BRD9: variants seen among roughly 807,000 people sequenced by gnomAD.
The protein encoded by BRD9 is bromodomain containing 9.
BRD9 carries 47 observed loss-of-function variants against 68.7 expected under a neutral mutation model. That is an observed-to-expected ratio of 0.68 (90% CI 0.54 to 0.87). The LOEUF (loss-of-function observed/expected upper bound fraction) is 0.87. Ranked by LOEUF, BRD9 falls within the 40% of genes least tolerant of loss-of-function variation. BRD9 has a pLI of 0.00. For missense variants in BRD9, 670 were observed against 748.4 expected, an observed-to-expected ratio of 0.90 and a Z score of 1.22; for synonymous variants, 313 against 293.9, an observed-to-expected ratio of 1.06 and a Z score of -0.67.
At chr5:865,667 A>G in intron 14 of BRD9, 86 bp from the exon 15 acceptor site, 1 of 1,396,524 alleles carries the variant, frequency 7.2e-7, no homozygotes, top group Non-Finnish European at 9.7e-7. Flanking sequence ...CCATCCAGAC[A>G]GGCCTCTCTG....
At chr5:875,525 T>A (rs1016482217) in intron 12 of BRD9, among the ~76,000 whole-genome samples, 1 of 152,058 alleles carries the variant, frequency 6.6e-6, no homozygotes, top group African/African-American at 2.4e-5. Flanking sequence ...TTTTTTCTAT[T>A]TTTTAGTAGA....
At chr5:870,677 G>A (rs991786865) in intron 13 of BRD9, 102 bp from the exon 14 acceptor site, 17 of 803,388 alleles carry the variant, frequency 2.1e-5, no homozygotes, top group Admixed American at 1.3e-4. Flanking sequence ...TTTGCTAAAC[G>A]TGAACCCACC....
intron 13 of BRD9, 24 bp downstream of exon 13, chr5:871,502 G>T (rs1360426205): frequency 1.2e-6 from 2 of 1,610,920 alleles, no homozygotes; most frequent in Admixed American, 3.3e-5. Flanking sequence ...TATTTGGCTT[G>T]CCCTTCCATG....
chr5:870,678 T>C lies in BRD9; in HGVS notation c.1423-103A>G, dbSNP rs1274624041. On this transcript the variant is annotated intron_variant, in intron 13 of 15. Transcript: ENST00000467963. ...AATCACTCTAATTATTTGCTAAACGTGAACCCACCCCTCAGTAAGTGACAA... is the reference window on the plus strand; with the variant it reads ...AATCACTCTAATTATTTGCTAAACGCGAACCCACCCCTCAGTAAGTGACAA... 1.0e-5 allele frequency: 8 copies of C among 794,410 alleles called. No individual in the cohort carries two copies. The African/African-American group carries it at 1.2e-4, about 12-fold the overall frequency. The allele number at this position is 794,410 out of a possible 1,614,324, so 49.2% of individuals were successfully genotyped here. A position where few individuals can be genotyped will look rare whatever the true frequency, so the allele number is the denominator to read the frequency against.
intron 4 of BRD9, 129 bp downstream of exon 4, chr5:889,458 C>A: frequency 9.7e-7 from 1 of 1,029,028 alleles, no homozygotes; most frequent in African/African-American, 1.6e-5. Context: ...CCGAAGTGGA[C>A]TGGGAGTCAC....
At chr5:889,713 G>C (rs370826338) in intron 3 of BRD9, 66 bp from the exon 4 acceptor site, 12 of 1,593,308 alleles carry the variant, frequency 7.5e-6, no homozygotes, top group Non-Finnish European at 1.0e-5. Context: ...AGAGCTCCAA[G>C]TTCACAGTAT....
At chr5:877,406 G>A (rs1284235363) in intron 11 of BRD9, among the ~76,000 whole-genome samples, 1 of 152,196 alleles carries the variant, frequency 6.6e-6, no homozygotes, top group African/African-American at 2.4e-5. Context: ...ACAAAAATCA[G>A]GGTCAGGTTT....
intron 14 of BRD9, chr5:865,794 G>A (rs113742899): frequency 7.1e-5 from 38 of 537,226 alleles, no homozygotes; most frequent in Admixed American, 3.1e-4. Flanking sequence ...GACACCCAGC[G>A]TCCTTTGCTC....
At chr5:891,322 G>A (rs956931052) in intron 2 of BRD9, 35 bp from the exon 3 acceptor site, 29 of 1,545,892 alleles carry the variant, frequency 1.9e-5, no homozygotes, top group Non-Finnish European at 2.4e-5. Context: ...AGAAAGGCAG[G>A]AGTAGGCGGG....
At position 888,765 on chromosome 5, in the gene BRD9, G is replaced by A. The variant is rs374558772; in HGVS notation, c.606+256C>T. 7.7e-4 allele frequency among the ~76,000 whole-genome samples: 118 copies of A among 152,284 alleles called. 1 individual carries two copies. The highest frequency in any genetic ancestry group is 2.7e-3 in the African/African-American group (112 of 41,552). On this transcript the variant is annotated intron_variant, in intron 5 of 15. Coordinates refer to ENST00000467963, the MANE Select transcript of BRD9 (RefSeq NM_023924.5). ...GCTTGAAACAACATGTCCTATTTACGCCAGCGCAGTAACTTAGAAAGAAAA... is the reference window on the plus strand; with the variant it reads ...GCTTGAAACAACATGTCCTATTTACACCAGCGCAGTAACTTAGAAAGAAAA...
intron 1 of BRD9, 93 bp from the exon 2 acceptor site, chr5:891,947 C>A: frequency 6.7e-7 from 1 of 1,503,168 alleles, no homozygotes; most frequent in Non-Finnish European, 8.8e-7. Flanking sequence ...GGAAAGGCCT[C>A]CCTAAGGAGT....
chr5:881,406 A>C, intron 8 of BRD9: 1 of 589,056 alleles, frequency 1.7e-6, no homozygotes, highest in South Asian at 2.0e-5. Flanking sequence ...TGGCCCTGCT[A>C]TAGGGGGTAC....
intron 13 of BRD9, among the ~76,000 whole-genome samples, chr5:870,868 T>C (rs1750034395): frequency 6.6e-6 from 1 of 152,236 alleles, no homozygotes; most frequent in African/African-American, 2.4e-5. Context: ...AGGGACATTA[T>C]GCAACAGGAA....
At chr5:891,063 C>G in intron 3 of BRD9, 92 bp downstream of exon 3, 1 of 1,426,840 alleles carries the variant, frequency 7.0e-7, no homozygotes, top group Non-Finnish European at 9.3e-7. Flanking sequence ...CCCTCCCATG[C>G]TTCTCCCCAA....
At chr5:868,117 G>T (rs541393613) in intron 14 of BRD9, among the ~76,000 whole-genome samples, 86 of 152,288 alleles carry the variant, frequency 5.6e-4, no homozygotes, top group African/African-American at 2.1e-3. Flanking sequence ...AGATCTGGTT[G>T]TTTCAAAGCA....
intron 7 of BRD9, among the ~76,000 whole-genome samples, chr5:885,003 C>T (rs887507933): frequency 6.6e-6 from 1 of 152,252 alleles, no homozygotes; most frequent in Non-Finnish European, 1.5e-5. Flanking sequence ...ACCAGAGACA[C>T]CCAAAACCAA....
intron 4 of BRD9, 141 bp downstream of exon 4, chr5:889,445 AC>A (rs1753026083): frequency 2.3e-5 from 21 of 929,872 alleles, no homozygotes; most frequent in Non-Finnish European, 3.4e-5. Context: ...CTTCCTACGC[AC>A]CCCGAAGTGG....
In BRD9 at chr5:864,613, G is replaced by A. The variant is rs529868667; in HGVS notation, c.1694-45C>T. The A allele has an allele frequency of 8.0e-5, 123 of 1,544,740 alleles. No individual in the cohort carries two copies. The South Asian group carries it at 1.1e-3, about 13-fold the overall frequency. On this transcript the variant is annotated intron_variant, in intron 15 of 15. Coordinates refer to ENST00000467963, the MANE Select transcript of BRD9 (RefSeq NM_023924.5). The stretch of plus-strand genomic sequence containing the variant: ...GGACTTCAACACACAGGACAGACCC[G>A]CAGCACACGTGGGGCTCCTGGAGCC...
chr5:889,766 A>G (rs749725984), intron 3 of BRD9, 119 bp from the exon 4 acceptor site: 1 of 1,531,582 alleles, frequency 6.5e-7, no homozygotes, highest in Non-Finnish European at 8.8e-7. Context: ...TCCACCGAGA[A>G]CTGGGGATAT....
Sources: gnomAD v4.1 joint callset for allele counts (sites outside exome capture counted in the v4.1 genomes callset) on GRCh38, gnomAD v4.1.1 for gene constraint, MANE v1.5 for transcripts, NCBI Gene and HGNC (gene_info 2026-07-23, HGNC 2026-07-21) for gene names.